The following EPM2A variants were observed in gnomAD, a reference collection of about 807,000 sequenced individuals.
EPM2A encodes the protein laforin.
Under a neutral mutation model 26.5 loss-of-function variants are expected in EPM2A, and 21 were observed. The observed-to-expected ratio is 0.79, with a 90% confidence interval of 0.56 to 1.14. EPM2A has a LOEUF of 1.14. EPM2A is among the 50% of genes most tolerant of loss of function. The probability of loss-of-function intolerance (pLI) is 0.00; values close to 1 mark genes in which losing one functional copy is unlikely to be tolerated. For synonymous variants in EPM2A, 217 were observed against 177.6 expected (o/e 1.22, Z -1.76); for missense variants, 458 against 440.8 (o/e 1.04, Z -0.35).
At chr6:145,524,064 A>G (rs1457283365) in intron 2 of EPM2A, among the ~76,000 whole-genome samples, 2 of 152,220 alleles carry the variant, frequency 1.3e-5, no homozygotes, top group African/African-American at 4.8e-5. Context: ...ATCCTGAATT[A>G]ATTCACTTAG....
intron 2 of EPM2A, among the ~76,000 whole-genome samples, chr6:145,676,495 T>A (rs992959909): frequency 1.3e-5 from 2 of 152,038 alleles, no homozygotes; most frequent in African/African-American, 2.4e-5. Flanking sequence ...AGGAGCTGGT[T>A]TTTTGAAAAG....
intron 2 of EPM2A, among the ~76,000 whole-genome samples, chr6:145,547,555 G>T (rs1048712678): frequency 1.3e-5 from 2 of 152,102 alleles, no homozygotes; most frequent in Admixed American, 6.6e-5. Flanking sequence ...ACAAAATATA[G>T]ATTCTATCTA....
intron 1 of EPM2A, 103 bp from the exon 2 acceptor site, chr6:145,686,399 T>G (rs1445300717): frequency 1.1e-6 from 1 of 869,770 alleles, no homozygotes; most frequent in Non-Finnish European, 1.9e-6. Context: ...AAAATAAACA[T>G]AAAGCTACTT....
At chr6:145,448,075 T>C (rs1212336576) in intron 4 of EPM2A, among the ~76,000 whole-genome samples, 1 of 152,160 alleles carries the variant, frequency 6.6e-6, no homozygotes, top group African/African-American at 2.4e-5. Context: ...GACATAAGTA[T>C]GTATAAGATA....
intron 4 of EPM2A, among the ~76,000 whole-genome samples, chr6:145,404,085 A>G (rs1778534049): frequency 6.6e-6 from 1 of 152,024 alleles, no homozygotes; most frequent in Admixed American, 6.6e-5. Flanking sequence ...GCCTATTCAA[A>G]TCTTTTGCCC....
rs142998829 is a variant in EPM2A at position 145,530,377 on chromosome 6, C to T, written c.341-27802G>A. On this transcript the variant is annotated intron_variant, in intron 2 of 3. Coordinates refer to the EPM2A transcript ENST00000450221. ...TTTACATTCGTTTTACTTCATTCAC[C>T]ATTATTGAATTCCAAATTAGTACAC... Among the ~76,000 whole-genome samples, 183 of 152,268 alleles carry T rather than the reference C, an allele frequency of 1.2e-3. 1 individual carries two copies. Among genetic ancestry groups the T allele is most frequent in the African/African-American group, 4.0e-3 (165 of 41,556 alleles).
chr6:145,723,531 G>C (rs767101265), intron 1 of EPM2A, among the ~76,000 whole-genome samples: 7 of 152,030 alleles, frequency 4.6e-5, no homozygotes, highest in Non-Finnish European at 1.0e-4. Flanking sequence ...GAATATGCTG[G>C]ACAAATACCT....
intron 4 of EPM2A, among the ~76,000 whole-genome samples, chr6:145,414,395 G>A (rs1417399999): frequency 2.0e-5 from 3 of 151,868 alleles, no homozygotes; most frequent in African/African-American, 7.3e-5. Flanking sequence ...CCTGCCCTGT[G>A]TTGGGGATGG....
At chr6:145,636,300 A>G (rs1776679499) in intron 2 of EPM2A, 1 of 152,240 alleles carries the variant, frequency 6.6e-6, no homozygotes, top group South Asian at 2.1e-4. Flanking sequence ...CAGGAGTTCT[A>G]GACAAGCCTG....
chr6:145,636,241 C>T (rs1447847316), intron 2 of EPM2A: 1 of 152,298 alleles, frequency 6.6e-6, no homozygotes, highest in Non-Finnish European at 1.5e-5. Context: ...TGGTTCACAC[C>T]TGTAATCCCA....
rs567906600 is a variant in EPM2A at position 145,390,489 on chromosome 6, G to A, written c.556-6392C>T. ...AACTTGTCTGGTGATAGTTCTGCAG[G>A]AAAATTTCTTTTCTTGGGTAAACAA... On this transcript the variant is annotated intron_variant, in intron 4 of 4. Coordinates refer to the EPM2A transcript ENST00000638717. Among the ~76,000 whole-genome samples the A allele has an allele frequency of 1.5e-3, 227 of 151,914 alleles. 4 individuals carry two copies. The highest frequency in any genetic ancestry group is 3.9e-4 in the East Asian group (2 of 5,156).
intron 2 of EPM2A, chr6:145,680,199 T>C (rs571141384): frequency 7.2e-5 from 11 of 152,122 alleles, no homozygotes; most frequent in African/African-American, 2.6e-4. Context: ...CTTTTTCTCA[T>C]AATAAAACTT....
intron 2 of EPM2A, among the ~76,000 whole-genome samples, chr6:145,571,262 G>A (rs904179143): frequency 2.0e-5 from 3 of 152,138 alleles, no homozygotes; most frequent in African/African-American, 4.8e-5. Context: ...GCAAAATATA[G>A]TCACGTAGTT....
intron 4 of EPM2A, among the ~76,000 whole-genome samples, chr6:145,390,145 G>A (rs1329238070): frequency 6.6e-6 from 1 of 152,096 alleles, no homozygotes; most frequent in East Asian, 1.9e-4. Flanking sequence ...CAACTGATTG[G>A]ACACCTAAGG....
intron 2 of EPM2A, among the ~76,000 whole-genome samples, chr6:145,556,754 C>A (rs1030310686): frequency 6.6e-6 from 1 of 152,086 alleles, no homozygotes; most frequent in Non-Finnish European, 1.5e-5. Flanking sequence ...GAAAAGCTGA[C>A]CTTCCTCTCA....
chr6:145,571,214 A>C (rs1280276), intron 2 of EPM2A, among the ~76,000 whole-genome samples: 54,206 of 152,008 alleles, frequency 0.36, 10,190 homozygotes, highest in South Asian at 0.51. Flanking sequence ...GCTGATTCAG[A>C]GCATACACGG....
At chr6:145,438,089 G>T (rs1406473833) in intron 4 of EPM2A, among the ~76,000 whole-genome samples, 1 of 152,198 alleles carries the variant, frequency 6.6e-6, no homozygotes, top group Non-Finnish European at 1.5e-5. Flanking sequence ...GTGTATGTGT[G>T]TGTGCACACG....
At chr6:145,631,732 A>C (rs900312162) in intron 3 of EPM2A, 4 of 152,210 alleles carry the variant, frequency 2.6e-5, no homozygotes, top group Non-Finnish European at 4.4e-5. Flanking sequence ...GCATTTGGGC[A>C]GGTAAGTCAA....
chr6:145,515,816 G>C (rs1455262624), intron 2 of EPM2A, among the ~76,000 whole-genome samples: 2 of 152,152 alleles, frequency 1.3e-5, no homozygotes, highest in African/African-American at 2.4e-5. Flanking sequence ...TGTGTGAAGG[G>C]AATACAGGTC....
Sources: allele counts gnomAD v4.1 joint callset (sites outside exome capture counted in the v4.1 genomes callset), GRCh38; gene constraint gnomAD v4.1.1; transcripts MANE v1.5; gene names NCBI Gene and HGNC (gene_info 2026-07-23, HGNC 2026-07-21).